The following DSCAML1 variants were observed in gnomAD, a reference collection of about 807,000 sequenced individuals.
The protein encoded by DSCAML1 is DS cell adhesion molecule like 1.
In DSCAML1, 38 loss-of-function variants were observed where a neutral mutation model predicts 200.5. The ratio of observed to expected loss-of-function variants is 0.19; its 90% CI spans 0.15 to 0.25. The LOEUF is 0.25. Among genes scored for constraint, DSCAML1 ranks in the 10% least tolerant of loss-of-function variants. The probability of loss-of-function intolerance (pLI) is 1.00; values close to 1 mark genes in which losing one functional copy is unlikely to be tolerated. For missense variants in DSCAML1, 2,223 were observed against 2,858.8 expected, an observed-to-expected ratio of 0.78 and a Z score of 5.07; for synonymous variants, 1,215 against 1,165.0, an observed-to-expected ratio of 1.04 and a Z score of -0.87.
intron 3 of DSCAML1, among the ~76,000 whole-genome samples, chr11:117,767,056 C>G (rs2054911020): frequency 1.3e-5 from 2 of 152,150 alleles, no homozygotes; most frequent in Non-Finnish European, 2.9e-5. Flanking sequence ...AAACCTGTGT[C>G]TCCCGCAGAT....
chr11:117,665,564 C>G (rs1010784053), intron 3 of DSCAML1, among the ~76,000 whole-genome samples: 2 of 152,204 alleles, frequency 1.3e-5, no homozygotes, highest in Non-Finnish European at 2.9e-5. Context: ...ATAAGGGGCT[C>G]TGAAGCTTAA....
intron 3 of DSCAML1, among the ~76,000 whole-genome samples, chr11:117,677,776 T>C (rs2053240606): frequency 6.6e-6 from 1 of 152,140 alleles, no homozygotes. Context: ...ATTTTACAGC[T>C]AAGGTAACTG....
intron 3 of DSCAML1, among the ~76,000 whole-genome samples, chr11:117,680,110 C>T (rs968610506): frequency 3.3e-5 from 5 of 152,154 alleles, no homozygotes; most frequent in Admixed American, 6.5e-5. Context: ...AGAGACAGCC[C>T]GACCATGAGA....
intron 1 of DSCAML1, among the ~76,000 whole-genome samples, chr11:117,806,920 T>C (rs1406778996): frequency 1.3e-5 from 2 of 152,368 alleles, no homozygotes; most frequent in East Asian, 3.9e-4. Flanking sequence ...TCCCCTCCCA[T>C]CACCATGAAT....
intron 3 of DSCAML1, among the ~76,000 whole-genome samples, chr11:117,595,823 A>C (rs1034801225): frequency 6.6e-6 from 1 of 152,206 alleles, no homozygotes; most frequent in Non-Finnish European, 1.5e-5. Flanking sequence ...CTTGCAACCA[A>C]CGTAAGACTG....
chr11:117,630,555 C>T (rs941444512), intron 3 of DSCAML1, among the ~76,000 whole-genome samples: 5 of 147,660 alleles, frequency 3.4e-5, no homozygotes, highest in South Asian at 2.2e-4. Flanking sequence ...CAGGTCTTGC[C>T]GGAGCTCTGT....
At chr11:117,649,039 ATATGTGTGTGTGTGTGTGTG>A (rs2052575799) in intron 3 of DSCAML1, among the ~76,000 whole-genome samples, 1 of 131,454 alleles carries the variant, frequency 7.6e-6, no homozygotes, top group Admixed American at 7.4e-5. Flanking sequence ...CTCTCCATAT[ATATGTGTGTGTGTGTGTGTG>A]TGTGTGTGTG....
At chr11:117,727,167 G>T (rs976284180) in intron 3 of DSCAML1, among the ~76,000 whole-genome samples, 1 of 152,222 alleles carries the variant, frequency 6.6e-6, no homozygotes. Flanking sequence ...TTTACTCAAG[G>T]TCACCAGCTG....
chr11:117,484,352 C>T (rs751670621), intron 11 of DSCAML1, among the ~76,000 whole-genome samples: 2 of 152,188 alleles, frequency 1.3e-5, no homozygotes, highest in Non-Finnish European at 2.9e-5. Context: ...CACAGCAAGC[C>T]ACCTCCTCTG....
chr11:117,543,606 G>C (rs2050313828), intron 3 of DSCAML1, among the ~76,000 whole-genome samples: 1 of 152,156 alleles, frequency 6.6e-6, no homozygotes, highest in South Asian at 2.1e-4. Flanking sequence ...CTCTGTATTT[G>C]GAGGTTTGAG....
intron 1 of DSCAML1, among the ~76,000 whole-genome samples, chr11:117,781,644 C>T (rs1042692968): frequency 3.0e-4 from 45 of 152,168 alleles, no homozygotes; most frequent in Non-Finnish European, 8.8e-5. Flanking sequence ...GGCAAAAGAC[C>T]CAGCTTCTAA....
At chr11:117,693,568 C>A (rs1284941780) in intron 3 of DSCAML1, among the ~76,000 whole-genome samples, 2 of 152,178 alleles carry the variant, frequency 1.3e-5, no homozygotes, top group African/African-American at 2.4e-5. Context: ...GATTGTTCAG[C>A]CATTGACAAA....
chr11:117,646,050 C>T (rs1031875903), intron 3 of DSCAML1, among the ~76,000 whole-genome samples: 1 of 152,088 alleles, frequency 6.6e-6, no homozygotes, highest in Non-Finnish European at 1.5e-5. Flanking sequence ...TTTTACAGCT[C>T]TTTTCAAATG....
chr11:117,428,107 A>G lies in DSCAML1; in HGVS notation c.*221T>C, dbSNP rs2047695819. On this transcript the variant is annotated 3_prime_UTR_variant, in exon 33 of 33. Transcript: ENST00000651296. ...TTGTGGGGTGGGGGATTTGACTTGT[A>G]CTGTCAAATTCTTTGTGCCCTGGCT... 6.3e-6 allele frequency: 3 copies of G among 479,746 alleles called. No individual in the cohort carries two copies. Among genetic ancestry groups the G allele is most frequent in the Non-Finnish European group, 1.1e-5 (3 of 272,420 alleles). The allele number at this position is 479,746 out of a possible 1,614,324, so 29.7% of individuals were successfully genotyped here. A position where few individuals can be genotyped will look rare whatever the true frequency, so the allele number is the denominator to read the frequency against.
At chr11:117,608,941 C>A (rs563539688) in intron 3 of DSCAML1, among the ~76,000 whole-genome samples, 1 of 151,718 alleles carries the variant, frequency 6.6e-6, no homozygotes, top group Non-Finnish European at 1.5e-5. Flanking sequence ...CTGAGGTGGG[C>A]GGATCACTTG....
At position 117,738,421 on chromosome 11, in the gene DSCAML1, C is replaced by T. The variant is rs569231762; in HGVS notation, c.511+38370G>A. 3.3e-5 allele frequency among the ~76,000 whole-genome samples: 5 copies of T among 152,074 alleles called. No homozygotes were observed. The South Asian group carries it at 8.3e-4, about 25-fold the overall frequency. On this transcript the variant is annotated intron_variant, in intron 3 of 32. Transcript: ENST00000651296. The stretch of plus-strand genomic sequence containing the variant: ...CCCCTAGATGCTGACGTCAGCCAGA[C>T]CCCTCTGGCTGACGTCAGCATTACT...
intron 3 of DSCAML1, among the ~76,000 whole-genome samples, chr11:117,690,445 C>T (rs968467659): frequency 2.0e-5 from 3 of 152,262 alleles, no homozygotes; most frequent in East Asian, 1.9e-4. Context: ...GCTGCCCTCA[C>T]GGGCCTTTCA....
At chr11:117,737,749 A>G (rs2054345092) in intron 3 of DSCAML1, among the ~76,000 whole-genome samples, 1 of 152,226 alleles carries the variant, frequency 6.6e-6, no homozygotes, top group African/African-American at 2.4e-5. Context: ...CTGAGGAGAT[A>G]CATTCGCGGA....
chr11:117,649,009 C>G (rs537476825), intron 3 of DSCAML1, among the ~76,000 whole-genome samples: 2 of 151,688 alleles, frequency 1.3e-5, no homozygotes, highest in South Asian at 2.1e-4. Context: ...ACTTATCTCT[C>G]TCTCCCTCTC....
Sources: allele counts gnomAD v4.1 joint callset (sites outside exome capture counted in the v4.1 genomes callset), GRCh38; gene constraint gnomAD v4.1.1; transcripts MANE v1.5; gene names NCBI Gene and HGNC (gene_info 2026-07-23, HGNC 2026-07-21).